KHDRBS3: variants seen among roughly 807,000 people sequenced by gnomAD.
KHDRBS3 encodes KH RNA binding domain containing, signal transduction associated 3, also known as KH domain-containing, RNA-binding, signal transduction-associated protein 3.
A neutral mutation model predicts 45.6 loss-of-function variants in KHDRBS3; 23 were observed. The ratio of observed to expected loss-of-function variants is 0.50; its 90% confidence interval spans 0.36 to 0.72. The LOEUF (loss-of-function observed/expected upper bound fraction) is 0.72. Among genes scored for constraint, KHDRBS3 ranks in the 30% least tolerant of loss-of-function variants. The probability of loss-of-function intolerance (pLI) is 0.00; values close to 1 mark genes in which losing one functional copy is unlikely to be tolerated. For missense variants in KHDRBS3, 352 were observed against 424.8 expected (o/e 0.83, Z 1.51); for synonymous variants, 162 against 156.5 (o/e 1.04, Z -0.26).
intron 7 of KHDRBS3, among the ~76,000 whole-genome samples, chr8:135,617,845 A>T (rs1373320146): frequency 6.6e-6 from 1 of 152,236 alleles, no homozygotes; most frequent in Non-Finnish European, 1.5e-5. Context: ...TGCCATTTTG[A>T]TACCTTATTT....
At chr8:135,473,221 A>G (rs1405479053) in intron 1 of KHDRBS3, among the ~76,000 whole-genome samples, 1 of 152,036 alleles carries the variant, frequency 6.6e-6, no homozygotes, top group Admixed American at 6.6e-5. Flanking sequence ...TCCGTCCGGA[A>G]AGCTTCCTGG....
At chr8:135,584,256 T>A (rs1216176272) in intron 6 of KHDRBS3, among the ~76,000 whole-genome samples, 1 of 152,212 alleles carries the variant, frequency 6.6e-6, no homozygotes, top group Non-Finnish European at 1.5e-5. Context: ...TAACTGACGG[T>A]CATATCCGCC....
At chr8:135,458,728 C>G (rs1821259052) in intron 1 of KHDRBS3, 1 of 379,996 alleles carries the variant, frequency 2.6e-6, no homozygotes, top group Admixed American at 3.2e-5. Context: ...GCTTGAGGTT[C>G]GGAATAGTGG....
chr8:135,624,701 C>A (rs1422102297), intron 7 of KHDRBS3, among the ~76,000 whole-genome samples: 1 of 152,286 alleles, frequency 6.6e-6, no homozygotes, highest in Admixed American at 6.5e-5. Flanking sequence ...GCCCTTCCTT[C>A]CCCAACACAA....
intron 5 of KHDRBS3, among the ~76,000 whole-genome samples, chr8:135,579,855 A>C (rs1264756321): frequency 6.6e-6 from 1 of 152,216 alleles, no homozygotes; most frequent in African/African-American, 2.4e-5. Context: ...TTAGCACATT[A>C]TGGAATGGAG....
rs139184916 is a variant in KHDRBS3 at position 135,467,703 on chromosome 8, C to T, written c.88+9749C>T. On this transcript the variant is annotated intron_variant, in intron 1 of 8. Coordinates refer to ENST00000355849, the MANE Select transcript of KHDRBS3 (RefSeq NM_006558.3). Reference sequence around the variant, plus strand: ...TAGGTCCCTCTCAGCCCCTCGTACCCGGGCACACCACGTCTGTGTCGTTAC... The same window carrying T: ...TAGGTCCCTCTCAGCCCCTCGTACCTGGGCACACCACGTCTGTGTCGTTAC... Among the ~76,000 whole-genome samples, 769 of 152,358 alleles carry T rather than the reference C, an allele frequency of 5.0e-3. 15 individuals carry two copies. The highest frequency in any genetic ancestry group is 0.032 in the Admixed American group (491 of 15,308).
At chr8:135,643,716 G>C (rs1831163538) in intron 7 of KHDRBS3, among the ~76,000 whole-genome samples, 1 of 152,228 alleles carries the variant, frequency 6.6e-6, no homozygotes, top group South Asian at 2.1e-4. Context: ...GTGTGGTTGT[G>C]ACCACAAGTC....
intron 6 of KHDRBS3, among the ~76,000 whole-genome samples, chr8:135,598,050 G>A (rs891600070): frequency 3.9e-5 from 6 of 152,174 alleles, no homozygotes; most frequent in African/African-American, 1.4e-4. Context: ...TTAAAAGGCT[G>A]TATTCAGATG....
intron 7 of KHDRBS3, among the ~76,000 whole-genome samples, chr8:135,607,800 C>T (rs1192001606): frequency 6.6e-6 from 1 of 152,132 alleles, no homozygotes; most frequent in East Asian, 1.9e-4. Flanking sequence ...TTTGATGAAA[C>T]ACAAATTCAC....
intron 6 of KHDRBS3, among the ~76,000 whole-genome samples, chr8:135,588,393 C>T (rs1828583844): frequency 6.6e-6 from 1 of 152,186 alleles, no homozygotes; most frequent in Non-Finnish European, 1.5e-5. Context: ...CCTCACCCAG[C>T]CTGCAGGCGC....
intron 6 of KHDRBS3, among the ~76,000 whole-genome samples, chr8:135,599,111 G>A (rs973666467): frequency 2.0e-5 from 3 of 152,094 alleles, no homozygotes; most frequent in Non-Finnish European, 2.9e-5. Flanking sequence ...GCCACGTGTC[G>A]GTTTGAGTTT....
At position 135,638,110 on chromosome 8, in the gene KHDRBS3, G is replaced by A. The variant is rs1457341815; in HGVS notation, c.891-6949G>A. Among the ~76,000 whole-genome samples, 3 of 152,312 alleles carry A rather than the reference G, an allele frequency of 2.0e-5. No individual in the cohort carries two copies. In the South Asian group the frequency reaches 6.2e-4, roughly 32 times the overall value. ...TACAATGGTAGAGTGGCTTAGGGAA[G>A]ATTTAACCCCCACATCAATGGCTAT... On this transcript the variant is annotated intron_variant, in intron 7 of 8. Transcript: ENST00000355849.
At chr8:135,592,144 T>TCTTC (rs753173086) in intron 6 of KHDRBS3, among the ~76,000 whole-genome samples, 1 of 152,166 alleles carries the variant, frequency 6.6e-6, no homozygotes, top group Non-Finnish European at 1.5e-5. Flanking sequence ...CACAAATCAA[T>TCTTC]CTTTTGCCTA....
intron 7 of KHDRBS3, among the ~76,000 whole-genome samples, chr8:135,614,724 A>T (rs1322843126): frequency 1.3e-5 from 2 of 151,844 alleles, no homozygotes; most frequent in Non-Finnish European, 2.9e-5. Context: ...AAACAAAAAA[A>T]AGAGTAGAGA....
chr8:135,582,878 G>C (rs978222383), intron 6 of KHDRBS3, among the ~76,000 whole-genome samples: 23 of 152,310 alleles, frequency 1.5e-4, no homozygotes, highest in African/African-American at 5.3e-4. Flanking sequence ...CTAGAAGGTT[G>C]CAATAATCCC....
intron 7 of KHDRBS3, among the ~76,000 whole-genome samples, chr8:135,624,376 A>G (rs1340026530): frequency 6.6e-6 from 1 of 152,380 alleles, no homozygotes; most frequent in East Asian, 1.9e-4. Context: ...GATGTGGGCA[A>G]GTCCCCAAAA....
chr8:135,469,653 C>G (rs879391872), intron 1 of KHDRBS3, among the ~76,000 whole-genome samples: 2 of 152,118 alleles, frequency 1.3e-5, no homozygotes, highest in Admixed American at 1.3e-4. Flanking sequence ...CTCAGCCTCC[C>G]CAGTAGCTGG....
chr8:135,624,565 T>C (rs951237648), intron 7 of KHDRBS3, among the ~76,000 whole-genome samples: 4 of 152,222 alleles, frequency 2.6e-5, no homozygotes, highest in African/African-American at 9.6e-5. Flanking sequence ...GCTTGCTTTT[T>C]AGCACGGATG....
At chr8:135,536,027 G>C (rs1007490281) in intron 2 of KHDRBS3, among the ~76,000 whole-genome samples, 1 of 152,066 alleles carries the variant, frequency 6.6e-6, no homozygotes, top group Non-Finnish European at 1.5e-5. Context: ...CCTGGGGGTA[G>C]GAGGGATTTT....
Sources: gnomAD v4.1 joint callset for allele counts (sites outside exome capture counted in the v4.1 genomes callset) on GRCh38, gnomAD v4.1.1 for gene constraint, MANE v1.5 for transcripts, NCBI Gene and HGNC (gene_info 2026-07-23, HGNC 2026-07-21) for gene names.